PARN: variants seen among roughly 807,000 people sequenced by gnomAD.
PARN encodes poly(A)-specific ribonuclease PARN.
A neutral mutation model predicts 102.8 loss-of-function variants in PARN; 71 were observed. The ratio of observed to expected loss-of-function variants is 0.69; its 90% CI spans 0.57 to 0.84. The LOEUF (loss-of-function observed/expected upper bound fraction) is 0.84, where lower values mean the gene tolerates loss of function less well. Among genes scored for constraint, PARN ranks in the 40% least tolerant of loss-of-function variants. The pLI, the probability that PARN is intolerant of heterozygous loss-of-function variation, is 0.00. For synonymous variants in PARN, 261 were observed against 252.9 expected (o/e 1.03, Z -0.30); for missense variants, 782 against 760.9 (o/e 1.03, Z -0.33).
At chr16:14,443,028 T>C (rs1015558658) in intron 23 of PARN, among the ~76,000 whole-genome samples, 1 of 152,254 alleles carries the variant, frequency 6.6e-6, no homozygotes, top group Non-Finnish European at 1.5e-5. Context: ...GCCTCCCACA[T>C]GTCAGTTAGA....
At chr16:14,485,409 A>C (rs1365253437) in intron 21 of PARN, among the ~76,000 whole-genome samples, 1 of 152,196 alleles carries the variant, frequency 6.6e-6, no homozygotes, top group Non-Finnish European at 1.5e-5. Context: ...TTTTTGTCCC[A>C]GGAACTATGT....
intron 18 of PARN, among the ~76,000 whole-genome samples, chr16:14,557,572 A>G (rs1340573071): frequency 2.6e-5 from 4 of 151,046 alleles, no homozygotes; most frequent in Non-Finnish European, 5.9e-5. Context: ...AAAAAAAAAA[A>G]AAAAAGCCAA....
intron 21 of PARN, among the ~76,000 whole-genome samples, chr16:14,535,555 T>A (rs1596604808): frequency 6.6e-6 from 1 of 152,204 alleles, no homozygotes; most frequent in African/African-American, 2.4e-5. Flanking sequence ...ATACATTTCA[T>A]GATTAGAAAA....
At chr16:14,493,706 C>T (rs543206108) in intron 21 of PARN, among the ~76,000 whole-genome samples, 1 of 152,184 alleles carries the variant, frequency 6.6e-6, no homozygotes, top group Non-Finnish European at 1.5e-5. Flanking sequence ...GCAGCAAAGG[C>T]GACAATAAAT....
intron 13 of PARN, among the ~76,000 whole-genome samples, chr16:14,592,843 TAA>T (rs1190535074): frequency 6.6e-6 from 1 of 152,082 alleles, no homozygotes; most frequent in Non-Finnish European, 1.5e-5. Flanking sequence ...GATCCCTTAA[TAA>T]AAAAGTTTGT....
At chr16:14,627,862 G>T (rs1335971205) in intron 3 of PARN, among the ~76,000 whole-genome samples, 1 of 152,048 alleles carries the variant, frequency 6.6e-6, no homozygotes, top group East Asian at 1.9e-4. Flanking sequence ...AATAATAATT[G>T]GCTGGGCACA....
chr16:14,494,738 G>A (rs1195461590), intron 21 of PARN, among the ~76,000 whole-genome samples: 1 of 152,230 alleles, frequency 6.6e-6, no homozygotes, highest in East Asian at 1.9e-4. Flanking sequence ...AAGATTCCGG[G>A]AGATCAGCAG....
chr16:14,564,496 C>G (rs111652578), intron 18 of PARN, among the ~76,000 whole-genome samples: 2 of 152,146 alleles, frequency 1.3e-5, no homozygotes, highest in Non-Finnish European at 2.9e-5. Context: ...GCTACCTGGG[C>G]ATGGGGCTTG....
chr16:14,573,711 A>AT (rs147266903), intron 18 of PARN, among the ~76,000 whole-genome samples: 4,331 of 152,212 alleles, frequency 0.028, 87 homozygotes, highest in Non-Finnish European at 0.041. Context: ...CTGTACTGTT[A>AT]TTTTGATAGT....
Position 14,552,050 on chromosome 16 carries a change from G to C in PARN, c.1451C>G (p.Ser484Cys). ...SWIDDTSAFVSLSQPEQVKIA... is the reference protein window; with the variant it reads ...SWIDDTSAFVCLSQPEQVKIA... ...CTTTACTTGCTCGGGCTGGCTAAGG[G>C]AAACAAATGCTGATGTGTCATCAAT... The change falls in exon 21 of 24, where the codon TCC becomes TGC. Residue 484 changes from serine (S) to cysteine (C), a missense_variant. By Grantham distance (112) the Ser-to-Cys change is moderately radical. Transcript: ENST00000437198. 1 of 1,612,626 alleles carries C rather than the reference G, an allele frequency of 6.2e-7. No homozygotes were observed. The highest frequency in any genetic ancestry group is 8.5e-7 in the Non-Finnish European group (1 of 1,178,890).
chr16:14,568,620 C>T (rs1660193947), intron 18 of PARN, among the ~76,000 whole-genome samples: 1 of 151,806 alleles, frequency 6.6e-6, no homozygotes, highest in Non-Finnish European at 1.5e-5. Context: ...AAAAAAATGC[C>T]GGGCGCTGGC....
rs188998376 is a variant in PARN, at chr16:14,618,279, A to G, written c.328-629T>C. ...AAGGCGGGTAGATCACGAGGTCGGG[A>G]GATCAAGACCATCCTGGCTAACATG... On this transcript the variant is annotated intron_variant, in intron 5 of 23. Transcript: ENST00000437198. Among the ~76,000 whole-genome samples the G allele has an allele frequency of 2.1e-3, 326 of 151,992 alleles. 1 individual carries two copies. The highest frequency in any genetic ancestry group is 5.8e-3 in the Admixed American group (88 of 15,268).
intron 21 of PARN, among the ~76,000 whole-genome samples, chr16:14,497,015 G>A (rs962554209): frequency 6.6e-6 from 1 of 152,140 alleles, no homozygotes; most frequent in African/African-American, 2.4e-5. Context: ...ACCCGTTGTT[G>A]ACGCCCCTTC....
intron 12 of PARN, among the ~76,000 whole-genome samples, chr16:14,598,257 G>C (rs1970648479): frequency 6.6e-6 from 1 of 152,084 alleles, no homozygotes; most frequent in South Asian, 2.1e-4. Context: ...TAATAAACAG[G>C]GCTTTTTGGT....
intron 23 of PARN, among the ~76,000 whole-genome samples, chr16:14,441,409 C>G (rs1229602038): frequency 6.6e-6 from 1 of 152,192 alleles, no homozygotes; most frequent in Non-Finnish European, 1.5e-5. Context: ...ATTGCTTTTT[C>G]CAGGTGAATC....
At chr16:14,563,438 G>A (rs1968202989) in intron 18 of PARN, among the ~76,000 whole-genome samples, 2 of 151,812 alleles carry the variant, frequency 1.3e-5, no homozygotes, top group African/African-American at 4.8e-5. Flanking sequence ...CTGTCTACAT[G>A]ATGCTGACCA....
intron 21 of PARN, among the ~76,000 whole-genome samples, chr16:14,493,652 A>C (rs907855638): frequency 6.6e-6 from 1 of 152,234 alleles, no homozygotes; most frequent in Non-Finnish European, 1.5e-5. Context: ...CCAAGTAGGC[A>C]GGTATCTAGG....
intron 9 of PARN, 21 bp from the exon 10 acceptor site, chr16:14,606,547 G>GT (rs1226192261): frequency 5.5e-6 from 8 of 1,452,492 alleles, no homozygotes; most frequent in Non-Finnish European, 7.6e-6. Context: ...GAAAAACATA[G>GT]TATCAGTAGA....
intron 18 of PARN, among the ~76,000 whole-genome samples, chr16:14,573,106 T>A (rs1315757599): frequency 6.6e-6 from 1 of 152,072 alleles, no homozygotes; most frequent in Non-Finnish European, 1.5e-5. Context: ...TGGTTTCAAC[T>A]CCTGGCCTCA....
Sources: allele counts gnomAD v4.1 joint callset (sites outside exome capture counted in the v4.1 genomes callset), GRCh38; gene constraint gnomAD v4.1.1; transcripts MANE v1.5; gene names NCBI Gene and HGNC (gene_info 2026-07-23, HGNC 2026-07-21).